The following PPFIA1 variants were observed in gnomAD, a reference collection of about 807,000 sequenced individuals.
PPFIA1 encodes liprin-alpha-1.
In PPFIA1, 25 loss-of-function variants were observed where a neutral mutation model predicts 149.9. The ratio of observed to expected loss-of-function variants is 0.17; its 90% CI spans 0.12 to 0.23. The LOEUF (loss-of-function observed/expected upper bound fraction) is 0.23, where lower values mean the gene tolerates loss of function less well. PPFIA1 is among the 10% of genes least tolerant of loss of function. The probability of loss-of-function intolerance (pLI) is 1.00; values close to 1 mark genes in which losing one functional copy is unlikely to be tolerated. For missense variants in PPFIA1, 1,362 were observed against 1,506.5 expected, an observed-to-expected ratio of 0.90 and a Z score of 1.59; for synonymous variants, 549 against 552.8, an observed-to-expected ratio of 0.99 and a Z score of 0.10.
intron 16 of PPFIA1, among the ~76,000 whole-genome samples, chr11:70,351,436 G>T (rs72947078): frequency 0.12 from 18,807 of 152,202 alleles, 1,275 homozygotes; most frequent in Admixed American, 0.18. Flanking sequence ...TCCCAGTCTG[G>T]TATAGGCTGA....
chr11:70,305,400 A>G (rs1262201904), intron 2 of PPFIA1, among the ~76,000 whole-genome samples: 1 of 151,960 alleles, frequency 6.6e-6, no homozygotes, highest in African/African-American at 2.4e-5. Flanking sequence ...TTTTGAGACA[A>G]GGTCTCACTC....
Position 70,362,171 on chromosome 11 carries a change from C to G in PPFIA1, c.2659C>G (p.Leu887Val), listed in dbSNP as rs2056689345. The change falls in exon 20 of 28, where the codon CTA becomes GTA. Residue 887 changes from leucine (L) to valine (V), a missense_variant. Coordinates refer to ENST00000253925, the MANE Select transcript of PPFIA1 (RefSeq NM_003626.5). Reference sequence around the variant, plus strand: ...GGACGGGCCAACGGTTGTGGTCTGGCTAGAGGTACATCCTTCATTTAACAT... The same window carrying G: ...GGACGGGCCAACGGTTGTGGTCTGGGTAGAGGTACATCCTTCATTTAACAT... ...QWDGPTVVVWLELWVGMPAWY... is the reference protein window; with the variant it reads ...QWDGPTVVVWVELWVGMPAWY... 2 of 1,614,202 alleles carry G rather than the reference C, an allele frequency of 1.2e-6. No individual in the cohort carries two copies. The highest frequency in any genetic ancestry group is 1.3e-5 in the African/African-American group (1 of 75,062).
Position 70,354,079 on chromosome 11 carries a change from T to C in PPFIA1, c.2164-222T>C, listed in dbSNP as rs1268707527. The C allele has an allele frequency of 9.0e-5, 45 of 498,060 alleles. No homozygotes were observed. In the East Asian group the frequency reaches 1.6e-3, roughly 17 times the overall value. 30.9% of individuals were successfully genotyped at this position (498,060 alleles called of 1,614,324 possible). A position where few individuals can be genotyped will look rare whatever the true frequency, so the allele number is the denominator to read the frequency against. On this transcript the variant is annotated intron_variant, in intron 16 of 27. Coordinates refer to ENST00000253925, the MANE Select transcript of PPFIA1 (RefSeq NM_003626.5). ...GGATGAGGGGCATACCTGTGTCCTG[T>C]TGGGCCCCAGCGCACGCTCGTGGGG...
Position 70,365,720 on chromosome 11 carries a change from C to T in PPFIA1, c.2865+3232C>T, listed in dbSNP as rs887167081. ...GCCTCCATGTGACTGACTGTGTGGCCCTTTCTCCTTCCATGAATATGCTTG... is the reference window on the plus strand; with the variant it reads ...GCCTCCATGTGACTGACTGTGTGGCTCTTTCTCCTTCCATGAATATGCTTG... On this transcript the variant is annotated intron_variant, in intron 21 of 27. Coordinates refer to ENST00000253925, the MANE Select transcript of PPFIA1 (RefSeq NM_003626.5). 2.2e-5 allele frequency: 8 copies of T among 355,988 alleles called. 1 individual carries two copies. The highest frequency in any genetic ancestry group is 1.7e-4 in the South Asian group (8 of 45,992). The allele number at this position is 355,988 out of a possible 1,614,324, so 22.1% of individuals were successfully genotyped here.
intron 26 of PPFIA1, among the ~76,000 whole-genome samples, chr11:70,380,446 A>G (rs769615063): frequency 1.2e-4 from 18 of 151,778 alleles, no homozygotes; most frequent in Admixed American, 3.3e-4. Flanking sequence ...GCACGGTGGC[A>G]GGCGCCTGTA....
At chr11:70,377,853 G>GT (rs2057549104) in intron 25 of PPFIA1, among the ~76,000 whole-genome samples, 177 bp from the exon 26 acceptor site, 1 of 152,102 alleles carries the variant, frequency 6.6e-6, no homozygotes, top group Admixed American at 6.5e-5. Context: ...ACCATGCCCC[G>GT]TTTCACGCTG....
intron 2 of PPFIA1, among the ~76,000 whole-genome samples, chr11:70,299,698 A>G (rs146405319): frequency 7.3e-5 from 11 of 151,558 alleles, no homozygotes; most frequent in Non-Finnish European, 1.3e-4. Context: ...CTCTCATCCA[A>G]GCTTCGCTCT....
intron 2 of PPFIA1, chr11:70,278,860 A>C (rs2050571846): frequency 2.2e-6 from 1 of 453,392 alleles, no homozygotes; most frequent in African/African-American, 2.1e-5. Flanking sequence ...GCCACACTGG[A>C]CAGCTGGTAG....
intron 21 of PPFIA1, among the ~76,000 whole-genome samples, chr11:70,363,666 A>G (rs1012409749): frequency 9.3e-5 from 14 of 151,348 alleles, no homozygotes; most frequent in Non-Finnish European, 1.5e-4. Flanking sequence ...GGTGTGCACC[A>G]CCACACCCAG....
At chr11:70,277,317 C>T (rs1002616169) in intron 2 of PPFIA1, among the ~76,000 whole-genome samples, 2 of 151,754 alleles carry the variant, frequency 1.3e-5, no homozygotes, top group African/African-American at 4.8e-5. Flanking sequence ...ACGCTTTTAG[C>T]TGCATCTTAC....
At chr11:70,368,289 G>T (rs948906251) in intron 21 of PPFIA1, among the ~76,000 whole-genome samples, 2 of 152,152 alleles carry the variant, frequency 1.3e-5, no homozygotes, top group Non-Finnish European at 2.9e-5. Context: ...TTTTCTAGTA[G>T]AATTTAAACA....
intron 12 of PPFIA1, among the ~76,000 whole-genome samples, chr11:70,337,878 CAT>C (rs1265107059): frequency 3.3e-5 from 5 of 152,166 alleles, no homozygotes; most frequent in Admixed American, 1.3e-4. Flanking sequence ...ATTTCCTAGT[CAT>C]AGCACATCTC....
In PPFIA1 at chr11:70,348,197, A is replaced by G. The variant is rs2055834446; in HGVS notation, c.1940A>G (p.Gln647Arg). The change falls in exon 16 of 28, where the codon CAG (glutamine) becomes CGG (arginine). Residue 647 changes from glutamine to arginine, a missense_variant. Gln to Arg is a conservative substitution (Grantham distance 43, BLOSUM62 1). This residue lies in a region of PPFIA1 where 733 missense variants were observed against 744.1 expected (regional missense o/e 0.99). Transcript: ENST00000253925. ...DAINKEIRLI[Q>R]EEKENTEQRA... ...CTTTTGTTTTATTTTAGGTTGATTCAGGAAGAAAAAGAAAATACAGAGCAG... is the reference window on the plus strand; with the variant it reads ...CTTTTGTTTTATTTTAGGTTGATTCGGGAAGAAAAAGAAAATACAGAGCAG... 6.2e-7 allele frequency: 1 copy of G among 1,614,178 alleles called. No homozygotes were observed. The highest frequency in any genetic ancestry group is 8.5e-7 in the Non-Finnish European group (1 of 1,180,016).
At chr11:70,365,561 CTTTAG>C in intron 21 of PPFIA1, 1 of 383,986 alleles carries the variant, frequency 2.6e-6, no homozygotes, top group Non-Finnish European at 5.2e-6. Flanking sequence ...TAAGTATTTC[CTTTAG>C]TTATTAGTTG....
chr11:70,378,978 G>A (rs1476731582), intron 26 of PPFIA1, among the ~76,000 whole-genome samples: 4 of 152,208 alleles, frequency 2.6e-5, no homozygotes, highest in African/African-American at 9.7e-5. Flanking sequence ...CCACTAGGAG[G>A]TGCATGACCC....
intron 2 of PPFIA1, among the ~76,000 whole-genome samples, chr11:70,313,140 G>T (rs910783023): frequency 6.6e-6 from 1 of 152,190 alleles, no homozygotes; most frequent in African/African-American, 2.4e-5. Flanking sequence ...GAGGTGAGGA[G>T]GGAGACGCTG....
chr11:70,324,785 A>G (rs2054165600), intron 3 of PPFIA1, 62 bp from the exon 4 acceptor site: 2 of 1,416,518 alleles, frequency 1.4e-6, no homozygotes, highest in Non-Finnish European at 1.9e-6. Context: ...TATTTGCCCC[A>G]GATTCAATCA....
chr11:70,289,858 C>T (rs528032442), intron 2 of PPFIA1, among the ~76,000 whole-genome samples: 2 of 152,276 alleles, frequency 1.3e-5, no homozygotes, highest in East Asian at 3.9e-4. Flanking sequence ...GGGAGGATCG[C>T]TTGAGACCAG....
At chr11:70,364,758 G>C (rs1017114580) in intron 21 of PPFIA1, 1 of 152,164 alleles carries the variant, frequency 6.6e-6, no homozygotes. Context: ...TTTCTCCCAT[G>C]TTTATCCACT....
Sources: allele counts gnomAD v4.1 joint callset (sites outside exome capture counted in the v4.1 genomes callset), GRCh38; gene constraint gnomAD v4.1.1; regional missense constraint gnomAD v4.1.1; transcripts MANE v1.5; gene names NCBI Gene and HGNC (gene_info 2026-07-23, HGNC 2026-07-21).